The following NBEA variants were observed in gnomAD, a reference collection of about 807,000 sequenced individuals.
The protein encoded by NBEA is lysosomal-trafficking regulator 2.
In NBEA, 44 loss-of-function variants were observed where a neutral mutation model predicts 343.4. The observed-to-expected ratio is 0.13, with a 90% CI of 0.10 to 0.16. The LOEUF (loss-of-function observed/expected upper bound fraction) is 0.16. NBEA is among the 10% of genes least tolerant of loss of function. NBEA has a pLI of 1.00. For missense variants in NBEA, 2,555 were observed against 3,631.3 expected (o/e 0.70, Z 7.62); for synonymous variants, 1,175 against 1,238.7 (o/e 0.95, Z 1.08).
chr13:35,572,507 T>C (rs1386918734), intron 45 of NBEA, among the ~76,000 whole-genome samples: 1 of 152,200 alleles, frequency 6.6e-6, no homozygotes, highest in African/African-American at 2.4e-5. Context: ...AGCATAACCA[T>C]TTTCCCAAAT....
rs1594947299 is a variant in NBEA, at chr13:35,550,484, C to T, written c.6593C>T (p.Ala2198Val). ...TTAAACTGTTTATTTTAGGTTCTTG[C>T]ATACACTGAGGGACTTCACGGAAAA... ...AFKKIDTKVL[A>V]YTEGLHGKWM... Residue 2198 changes from alanine (A) to valine (V), a missense_variant, in exon 42 of 59, where the codon GCA becomes GTA. By Grantham distance (64) the Ala-to-Val change is moderately conservative. Around this residue, in one of 21 missense-constraint regions of NBEA, gnomAD observed 246 missense variants for 313.7 expected, o/e 0.78. Transcript: ENST00000379939. The T allele has an allele frequency of 2.5e-6, 4 of 1,603,190 alleles. No individual in the cohort carries two copies. The highest frequency in any genetic ancestry group is 2.6e-6 in the Non-Finnish European group (3 of 1,170,764).
In NBEA at chr13:35,529,527, C is replaced by T. The variant is rs990607486; in HGVS notation, c.6586-20950C>T. 6.6e-5 allele frequency among the ~76,000 whole-genome samples: 10 copies of T among 152,162 alleles called. No individual in the cohort carries two copies. In the East Asian group the frequency reaches 1.9e-3, roughly 29 times the overall value. On this transcript the variant is annotated intron_variant, in intron 41 of 58. Transcript: ENST00000379939. ...AAAGTACATTTTATTATATAAGTAC[C>T]GTTTTATATGTGGGCATATAGTAAA...
In NBEA at chr13:35,015,174, G is replaced by GT. The variant is rs542221224; in HGVS notation, c.295-25759_295-25758insT. Among the ~76,000 whole-genome samples the GT allele has an allele frequency of 2.4e-3, 355 of 147,106 alleles. 2 individuals carry two copies. Among genetic ancestry groups the GT allele is most frequent in the African/African-American group, 8.4e-3 (334 of 39,888 alleles). ...AAAAAAAACCACACACAAAGCAGGG[G>GT]CCTAGATCTCTTTCCATTTAACCCC... On this transcript the variant is annotated intron_variant, in intron 1 of 58. Coordinates refer to ENST00000379939, the MANE Select transcript of NBEA (RefSeq NM_001385012.1).
chr13:35,615,169 G>A (rs1263778628), intron 48 of NBEA, among the ~76,000 whole-genome samples: 2 of 148,326 alleles, frequency 1.3e-5, no homozygotes, highest in Non-Finnish European at 3.0e-5. Context: ...AAGGCATGGT[G>A]GTACATAGTC....
At chr13:35,396,084 AG>A (rs1470808198) in intron 38 of NBEA, among the ~76,000 whole-genome samples, 1 of 152,038 alleles carries the variant, frequency 6.6e-6, no homozygotes, top group Non-Finnish European at 1.5e-5. Flanking sequence ...TTTTTGAGAC[AG>A]GGTCTTGCTA....
intron 34 of NBEA, 36 bp downstream of exon 34, chr13:35,232,655 A>G: frequency 7.2e-7 from 1 of 1,387,514 alleles, no homozygotes; most frequent in Non-Finnish European, 9.6e-7. Context: ...TTAGTTTCCT[A>G]TAATGTATGT....
intron 48 of NBEA, among the ~76,000 whole-genome samples, chr13:35,612,980 C>G (rs7330494): frequency 0.46 from 70,223 of 151,334 alleles, 16,802 homozygotes; most frequent in African/African-American, 0.56. Context: ...ATACTGTGAT[C>G]TTTTGATATA....
In NBEA at chr13:34,942,727, G is replaced by T; in HGVS notation, c.-94G>T. On this transcript the variant is annotated 5_prime_UTR_variant, in exon 1 of 59. Transcript: ENST00000379939. ...CGGCGCTGGTGGATGCTGGGGCTCC[G>T]AGGCGACGGCCGGGGGGCGGGGGCC... 2.8e-6 allele frequency: 3 copies of T among 1,073,190 alleles called. No individual in the cohort carries two copies. The highest frequency in any genetic ancestry group is 3.6e-6 in the Non-Finnish European group (3 of 840,972). The allele number at this position is 1,073,190 out of a possible 1,614,324, so 66.5% of individuals were successfully genotyped here.
chr13:35,290,501 A>T, intron 35 of NBEA, 51 bp downstream of exon 35: 1 of 1,299,534 alleles, frequency 7.7e-7, no homozygotes, highest in South Asian at 1.2e-5. Context: ...GTTTTTTGTG[A>T]CTAATAATAA....
intron 38 of NBEA, among the ~76,000 whole-genome samples, chr13:35,412,022 C>G (rs1454961488): frequency 6.6e-6 from 1 of 152,078 alleles, no homozygotes; most frequent in Non-Finnish European, 1.5e-5. Context: ...AAACTGATGT[C>G]TTACCCTTCT....
At chr13:35,633,721 A>G (rs2083570930) in intron 49 of NBEA, among the ~76,000 whole-genome samples, 3 of 152,118 alleles carry the variant, frequency 2.0e-5, no homozygotes, top group Admixed American at 2.0e-4. Context: ...TACTTAAACT[A>G]TAAAGCACTA....
intron 17 of NBEA, among the ~76,000 whole-genome samples, chr13:35,129,911 T>C (rs2067325152): frequency 6.6e-6 from 1 of 152,078 alleles, no homozygotes; most frequent in South Asian, 2.1e-4. Context: ...GAAAACAATA[T>C]AGTACATATT....
chr13:35,413,193 A>T (rs1358217315), intron 38 of NBEA, among the ~76,000 whole-genome samples: 2 of 152,134 alleles, frequency 1.3e-5, no homozygotes, highest in Admixed American at 1.3e-4. Flanking sequence ...AGAAAAGTAC[A>T]ATTTTAAAAT....
intron 44 of NBEA, among the ~76,000 whole-genome samples, chr13:35,560,562 C>T (rs758263179): frequency 3.3e-5 from 5 of 152,134 alleles, no homozygotes; most frequent in Non-Finnish European, 5.9e-5. Context: ...CCCTTGGGAT[C>T]AACATCTGTG....
intron 36 of NBEA, among the ~76,000 whole-genome samples, chr13:35,346,822 T>G (rs1003712929): frequency 6.6e-6 from 1 of 152,126 alleles, no homozygotes; most frequent in Non-Finnish European, 1.5e-5. Flanking sequence ...AAGGAGTGAT[T>G]AAATCTATAT....
intron 40 of NBEA, among the ~76,000 whole-genome samples, chr13:35,470,749 C>T (rs1200068692): frequency 6.6e-6 from 1 of 152,148 alleles, no homozygotes. Flanking sequence ...CGGAGGAGGG[C>T]GCGGGAGGCA....
chr13:35,208,881 A>G, intron 32 of NBEA, 27 bp downstream of exon 32: 2 of 1,449,180 alleles, frequency 1.4e-6, no homozygotes, highest in East Asian at 5.0e-5. Context: ...TTTTTGTGAT[A>G]CTCATCTTTT....
chr13:35,647,653 G>A (rs1299285980), intron 51 of NBEA, among the ~76,000 whole-genome samples: 1 of 152,016 alleles, frequency 6.6e-6, no homozygotes, highest in Non-Finnish European at 1.5e-5. Flanking sequence ...TGCAACCTTC[G>A]CCTCCCTGGT....
intron 41 of NBEA, among the ~76,000 whole-genome samples, chr13:35,499,365 A>G (rs1386935903): frequency 6.6e-6 from 1 of 152,028 alleles, no homozygotes; most frequent in Non-Finnish European, 1.5e-5. Context: ...TTCAGCACAT[A>G]ATGAGTGACT....
Sources: allele counts gnomAD v4.1 joint callset (sites outside exome capture counted in the v4.1 genomes callset), GRCh38; gene constraint gnomAD v4.1.1; regional missense constraint gnomAD v4.1.1; transcripts MANE v1.5; gene names NCBI Gene and HGNC (gene_info 2026-07-23, HGNC 2026-07-21).